The following CEP112 variants were observed in gnomAD, a reference collection of about 807,000 sequenced individuals.
CEP112 encodes the protein centrosomal protein of 112 kDa.
In CEP112, 127 loss-of-function variants were observed where a neutral mutation model predicts 153.0. That is an observed-to-expected ratio of 0.83 (90% CI 0.72 to 0.96). The LOEUF is 0.96. Ranked by LOEUF, CEP112 falls within the 40% of genes least tolerant of loss-of-function variation. CEP112 has a pLI of 0.00. For missense variants in CEP112, 1,089 were observed against 1,101.2 expected (o/e 0.99, Z 0.16); for synonymous variants, 358 against 374.4 (o/e 0.96, Z 0.51).
intron 23 of CEP112, among the ~76,000 whole-genome samples, chr17:65,706,396 C>G (rs1228754405): frequency 6.6e-6 from 1 of 152,176 alleles, no homozygotes; most frequent in Non-Finnish European, 1.5e-5. Context: ...GAAGGGGAGG[C>G]AGACCTGAAA....
intron 20 of CEP112, among the ~76,000 whole-genome samples, chr17:65,882,422 C>T (rs531267906): frequency 8.5e-5 from 13 of 152,168 alleles, no homozygotes; most frequent in South Asian, 2.1e-4. Flanking sequence ...ATCATATTGC[C>T]AGAATGGTTC....
At chr17:65,767,498 CA>C (rs1342456533) in intron 21 of CEP112, among the ~76,000 whole-genome samples, 3 of 150,436 alleles carry the variant, frequency 2.0e-5, no homozygotes, top group Admixed American at 6.6e-5. Flanking sequence ...AAATTAAACC[CA>C]AAGTTAGCAG....
intron 4 of CEP112, among the ~76,000 whole-genome samples, chr17:66,173,960 G>A (rs910835645): frequency 7.3e-5 from 11 of 151,586 alleles, no homozygotes; most frequent in African/African-American, 2.7e-4. Flanking sequence ...AGACAGACTC[G>A]CCCTATCGCC....
intron 24 of CEP112, chr17:65,655,501 T>C (rs1393983556): frequency 6.2e-6 from 4 of 643,088 alleles, no homozygotes; most frequent in Non-Finnish European, 1.1e-5. Context: ...TAATACATGT[T>C]GACTTTATTT....
chr17:65,781,487 T>C (rs1225643175), intron 21 of CEP112, among the ~76,000 whole-genome samples: 2 of 151,762 alleles, frequency 1.3e-5, no homozygotes, highest in Non-Finnish European at 2.9e-5. Context: ...TTTCACAGAA[T>C]TGGAAAAAAA....
At chr17:65,876,580 CT>C (rs748039946) in intron 20 of CEP112, among the ~76,000 whole-genome samples, 4 of 152,088 alleles carry the variant, frequency 2.6e-5, no homozygotes, top group African/African-American at 4.8e-5. Context: ...ACTTATTAAC[CT>C]TTTCAACCTA....
chr17:66,056,917 C>T (rs1162073934), intron 11 of CEP112, among the ~76,000 whole-genome samples: 1 of 152,000 alleles, frequency 6.6e-6, no homozygotes, highest in Non-Finnish European at 1.5e-5. Flanking sequence ...TTTTTAAAGG[C>T]CCACAGAACA....
At position 66,152,610 on chromosome 17, in the gene CEP112, A is replaced by G. The variant is rs183769299; in HGVS notation, c.471-19847T>C. 3.0e-3 allele frequency among the ~76,000 whole-genome samples: 452 copies of G among 152,290 alleles called. 2 individuals are homozygous for G. The highest frequency in any genetic ancestry group is 6.2e-3 in the South Asian group (30 of 4,822). ...AATGTAAAATATTTTGTGAAGATCG[A>G]AAAGATAAAAGATGGTATATCTCAG... On this transcript the variant is annotated intron_variant, in intron 4 of 26. Transcript: ENST00000535342.
intron 18 of CEP112, among the ~76,000 whole-genome samples, chr17:65,928,039 G>A (rs1422130844): frequency 6.6e-6 from 1 of 152,022 alleles, no homozygotes; most frequent in Non-Finnish European, 1.5e-5. Context: ...TCTAATAAGA[G>A]ACATATCTTG....
intron 6 of CEP112, among the ~76,000 whole-genome samples, chr17:66,109,401 C>T (rs377146458): frequency 3.9e-5 from 6 of 151,928 alleles, no homozygotes; most frequent in African/African-American, 1.5e-4. Flanking sequence ...TACATACCTA[C>T]TATGCTCCCA....
In CEP112 at chr17:65,745,214, G is replaced by A. The variant is rs117509600; in HGVS notation, c.2458-1997C>T. Among the ~76,000 whole-genome samples, 6 of 152,276 alleles carry A rather than the reference G, an allele frequency of 3.9e-5. No individual in the cohort carries two copies. The East Asian group carries it at 5.8e-4, about 15-fold the overall frequency. On this transcript the variant is annotated intron_variant, in intron 22 of 26. Transcript: ENST00000535342. ...TTTGTCAATAATCAAATATTTAGCC[G>A]ATTGTGAAATGACAAAATATATAAT... is the stretch of plus-strand genomic sequence containing the variant.
chr17:65,972,871 T>C (rs984987859), intron 17 of CEP112, among the ~76,000 whole-genome samples: 1 of 152,232 alleles, frequency 6.6e-6, no homozygotes, highest in Non-Finnish European at 1.5e-5. Context: ...GTTCAAGTGA[T>C]TCTCATGCCT....
intron 18 of CEP112, among the ~76,000 whole-genome samples, chr17:65,936,699 T>C (rs1054404641): frequency 3.9e-5 from 6 of 152,084 alleles, no homozygotes; most frequent in East Asian, 1.9e-4. Flanking sequence ...ATTATCTCAA[T>C]AGATGCAGAA....
At chr17:65,996,174 A>G (rs1485625236) in intron 17 of CEP112, among the ~76,000 whole-genome samples, 1 of 149,894 alleles carries the variant, frequency 6.7e-6, no homozygotes, top group Admixed American at 6.7e-5. Context: ...GTGTAGTACA[A>G]TAAGTTAAAT....
At chr17:66,155,483 G>C (rs528590659) in intron 4 of CEP112, among the ~76,000 whole-genome samples, 20 of 151,960 alleles carry the variant, frequency 1.3e-4, no homozygotes, top group Admixed American at 6.5e-5. Context: ...CAGACATCGA[G>C]ATAGCTGTAG....
At chr17:66,076,585 C>T (rs2067507733) in intron 8 of CEP112, among the ~76,000 whole-genome samples, 2 of 152,118 alleles carry the variant, frequency 1.3e-5, no homozygotes, top group Admixed American at 1.3e-4. Flanking sequence ...TCAGACATGC[C>T]TAGCCCTGCC....
chr17:65,875,742 C>T (rs2058805544), intron 20 of CEP112, among the ~76,000 whole-genome samples: 1 of 152,072 alleles, frequency 6.6e-6, no homozygotes, highest in Admixed American at 6.5e-5. Context: ...CTTCATTTGG[C>T]CTATTCATTC....
At chr17:66,124,752 A>G (rs1428095403) in intron 6 of CEP112, among the ~76,000 whole-genome samples, 1 of 152,170 alleles carries the variant, frequency 6.6e-6, no homozygotes, top group Non-Finnish European at 1.5e-5. Context: ...ACTTCCTGCC[A>G]CTATATCAGT....
At chr17:65,749,265 G>T (rs560737048) in intron 22 of CEP112, among the ~76,000 whole-genome samples, 1 of 152,206 alleles carries the variant, frequency 6.6e-6, no homozygotes, top group Admixed American at 6.5e-5. Context: ...CCAGCATTTT[G>T]GGAGGATGAG....
Sources: gnomAD v4.1 joint callset for allele counts (sites outside exome capture counted in the v4.1 genomes callset) on GRCh38, gnomAD v4.1.1 for gene constraint, MANE v1.5 for transcripts, NCBI Gene and HGNC (gene_info 2026-07-23, HGNC 2026-07-21) for gene names.